SMO: variants seen among roughly 807,000 people sequenced by gnomAD.
SMO encodes protein smoothened.
SMO carries 40 observed loss-of-function variants against 81.6 expected under a neutral mutation model. The ratio of observed to expected loss-of-function variants is 0.49; its 90% CI spans 0.38 to 0.64. The LOEUF (loss-of-function observed/expected upper bound fraction) is 0.64, where lower values mean the gene tolerates loss of function less well. SMO is among the 30% of genes least tolerant of loss of function. SMO has a pLI of 0.00. For missense variants in SMO, 916 were observed against 1,061.1 expected (o/e 0.86, Z 1.90); for synonymous variants, 434 against 432.1 (o/e 1.00, Z -0.05).
Position 129,206,397 on chromosome 7 carries a change from C to T in SMO, c.1140+28C>T, listed in dbSNP as rs2150650475. On this transcript the variant is annotated intron_variant, in intron 5 of 11. Coordinates refer to ENST00000249373, the MANE Select transcript of SMO (RefSeq NM_005631.5). This position sits in a 1 kb window ranked among gnomAD's most constrained non-coding sequence, Gnocchi z 4.4. ...ATAGTGACTGGTAGGAACGGGAGAC[C>T]TGGATGGGGTGAGTTTGAGGGAGGG... The T allele has an allele frequency of 6.2e-7, 1 of 1,614,042 alleles. No homozygotes were observed. Among genetic ancestry groups the T allele is most frequent in the Non-Finnish European group, 8.5e-7 (1 of 1,179,934 alleles).
intron 1 of SMO, among the ~76,000 whole-genome samples, chr7:129,201,671 G>GT (rs1329913801): frequency 1.3e-5 from 2 of 151,798 alleles, no homozygotes; most frequent in South Asian, 4.2e-4. Context: ...CTGTTTTTGG[G>GT]TTTTTTGTTT....
chr7:129,203,173 A>T (rs1793697694), intron 1 of SMO, among the ~76,000 whole-genome samples: 1 of 152,208 alleles, frequency 6.6e-6, no homozygotes, highest in Non-Finnish European at 1.5e-5. Flanking sequence ...ACTGGCATTG[A>T]GTTGGCAGAG....
chr7:129,189,512 C>G lies in SMO; in HGVS notation c.331+30C>G. On this transcript the variant is annotated intron_variant, in intron 1 of 11. Coordinates refer to ENST00000249373, the MANE Select transcript of SMO (RefSeq NM_005631.5). The surrounding 1 kb of genome is among the most constrained non-coding windows in gnomAD (Gnocchi z 4.7). The stretch of plus-strand genomic sequence containing the variant: ...GTGCGGCGGAGCCGGGTCTGGGGGG[C>G]GGGAGGTGCCGCGGTAAGATGGGGG... The G allele has an allele frequency of 6.5e-7, 1 of 1,533,072 alleles. No individual in the cohort carries two copies. The highest frequency in any genetic ancestry group is 1.4e-5 in the African/African-American group (1 of 73,012). 95.0% of individuals were successfully genotyped at this position (1,533,072 alleles called of 1,614,324 possible).
chr7:129,191,336 C>A (rs899437429), intron 1 of SMO, among the ~76,000 whole-genome samples: 37 of 152,222 alleles, frequency 2.4e-4, no homozygotes, highest in African/African-American at 7.7e-4. Context: ...CAATTAGTAC[C>A]ATCTGCAGGT....
In SMO at chr7:129,189,278, A is replaced by G. The variant is rs1185022695; in HGVS notation, c.127A>G (p.Ser43Gly). The change falls in exon 1 of 12, where the codon AGC becomes GGC. Residue 43 changes from serine (S) to glycine (G), a missense_variant. Ser to Gly is a moderately conservative substitution (Grantham distance 56, BLOSUM62 0). Coordinates refer to ENST00000249373, the MANE Select transcript of SMO (RefSeq NM_005631.5). This position sits in a 1 kb window ranked among gnomAD's most constrained non-coding sequence, Gnocchi z 4.7. ...GAACGCGACCGGGCCTGGGCCTCGG[A>G]GCGCGGGCGGGAGCGCGAGGAGGAG... The part of the protein sequence containing the change: ...SGNATGPGPR[S>G]AGGSARRSAA... 4 of 1,394,472 alleles carry G rather than the reference A, an allele frequency of 2.9e-6. No individual in the cohort carries two copies. The East Asian group carries it at 9.0e-5, about 31-fold the overall frequency. The allele number at this position is 1,394,472 out of a possible 1,614,324, so 86.4% of individuals were successfully genotyped here. A position where few individuals can be genotyped will look rare whatever the true frequency, so the allele number is the denominator to read the frequency against.
At chr7:129,192,701 G>A (rs1442393987) in intron 1 of SMO, among the ~76,000 whole-genome samples, 3 of 152,140 alleles carry the variant, frequency 2.0e-5, no homozygotes, top group Non-Finnish European at 4.4e-5. Context: ...AGGAGGCCTC[G>A]GGTTTCAGGC....
Position 129,210,078 on chromosome 7 carries a change from C to T in SMO, c.1467-285C>T, listed in dbSNP as rs543363525. On this transcript the variant is annotated intron_variant, in intron 8 of 11. Transcript: ENST00000249373. The surrounding 1 kb of genome is among the most constrained non-coding windows in gnomAD (Gnocchi z 4.7). ...GCTATTAAAAGCTCCCCAGTTGATT[C>T]TAATGAGCACCCAGGGTTGAGATCA... The T allele has an allele frequency of 3.4e-6, 1 of 294,338 alleles. No individual in the cohort carries two copies. The highest frequency in any genetic ancestry group is 5.9e-5 in the South Asian group (1 of 16,916). 18.2% of individuals were successfully genotyped at this position (294,338 alleles called of 1,614,324 possible). A position where few individuals can be genotyped will look rare whatever the true frequency, so the allele number is the denominator to read the frequency against.
chr7:129,213,304 G>T lies in SMO; in HGVS notation c.*853G>T. On this transcript the variant is annotated 3_prime_UTR_variant, in exon 12 of 12. Coordinates refer to ENST00000249373, the MANE Select transcript of SMO (RefSeq NM_005631.5). The stretch of plus-strand genomic sequence containing the variant: ...ATCATCTCTTCCTCACACCCATTTA[G>T]TGGGGGATGGGTCCTCTAGACTTGA... 1 of 233,146 alleles carries T rather than the reference G, an allele frequency of 4.3e-6. No homozygotes were observed. The highest frequency in any genetic ancestry group is 8.5e-6 in the Non-Finnish European group (1 of 117,974). 14.4% of individuals were successfully genotyped at this position (233,146 alleles called of 1,614,324 possible). A position where few individuals can be genotyped will look rare whatever the true frequency, so the allele number is the denominator to read the frequency against.
chr7:129,211,486 G>T lies in SMO; in HGVS notation c.1802-150G>T. ...AGGCCCTTCTCTTCAGATTCTGAAG[G>T]GGTAGAGATCACCGTGGTTACAGGG... On this transcript the variant is annotated intron_variant, in intron 10 of 11. Transcript: ENST00000249373. This position sits in a 1 kb window ranked among gnomAD's most constrained non-coding sequence, Gnocchi z 4.6. 2.3e-6 allele frequency: 2 copies of T among 859,492 alleles called. No individual in the cohort carries two copies. The highest frequency in any genetic ancestry group is 2.5e-5 in the East Asian group (1 of 40,032). 53.2% of individuals were successfully genotyped at this position (859,492 alleles called of 1,614,324 possible).
chr7:129,189,091 CG>C lies in SMO; in HGVS notation c.-55del, dbSNP rs1241307745. On this transcript the variant is annotated 5_prime_UTR_variant, in exon 1 of 12. Transcript: ENST00000249373. The surrounding 1 kb of genome is among the most constrained non-coding windows in gnomAD (Gnocchi z 4.7). ...CGGCCGCCGAGGTCGTGCGTGTGGCCGGGGGGCTCCGAGGAGCAGGCGGGGG... is the reference window on the plus strand; with the variant it reads ...CGGCCGCCGAGGTCGTGCGTGTGGCCGGGGGCTCCGAGGAGCAGGCGGGGG... 8.3e-6 allele frequency: 10 copies of C among 1,198,360 alleles called. No individual in the cohort carries two copies. Among genetic ancestry groups the C allele is most frequent in the East Asian group, 3.3e-5 (1 of 30,086 alleles). The allele number at this position is 1,198,360 out of a possible 1,614,324, so 74.2% of individuals were successfully genotyped here.
rs1793893343 is a variant in SMO at position 129,212,472 on chromosome 7, GA to G, written c.*22del. 3 of 1,600,496 alleles carry G rather than the reference GA, an allele frequency of 1.9e-6. No individual in the cohort carries two copies. The South Asian group carries it at 3.3e-5, about 18-fold the overall frequency. On this transcript the variant is annotated 3_prime_UTR_variant, in exon 12 of 12. Transcript: ENST00000249373. This position sits in a 1 kb window ranked among gnomAD's most constrained non-coding sequence, Gnocchi z 5.0. Reference sequence around the variant, plus strand: ...TCTGAGCCTGCAGAGCAGGACCTGGGACAGGAAAGAGAGGAACCAATACCTT... The same window carrying G: ...TCTGAGCCTGCAGAGCAGGACCTGGGCAGGAAAGAGAGGAACCAATACCTT...
In SMO at chr7:129,206,998, C is replaced by A. The variant is rs1793782913; in HGVS notation, c.1264+411C>A. Among the ~76,000 whole-genome samples the A allele has an allele frequency of 6.6e-6, 1 of 152,192 alleles. No individual in the cohort carries two copies. The highest frequency in any genetic ancestry group is 2.1e-4 in the South Asian group (1 of 4,836). ...TAGCTAAAATTACAGGCATGCACCA[C>A]CACGTCTGGCTAATTTTTGTATTTT... is the stretch of plus-strand genomic sequence containing the variant. On this transcript the variant is annotated intron_variant, in intron 6 of 11. Coordinates refer to ENST00000249373, the MANE Select transcript of SMO (RefSeq NM_005631.5). This position sits in a 1 kb window ranked among gnomAD's most constrained non-coding sequence, Gnocchi z 4.4.
intron 1 of SMO, among the ~76,000 whole-genome samples, chr7:129,194,307 G>A (rs750357319): frequency 1.1e-4 from 17 of 152,042 alleles, no homozygotes; most frequent in East Asian, 3.9e-4. Context: ...CTCATTGTGC[G>A]CATGGTGCTT....
Position 129,211,915 on chromosome 7 carries a change from A to T in SMO, c.1937-109A>T. On this transcript the variant is annotated intron_variant, in intron 11 of 11. Transcript: ENST00000249373. The surrounding 1 kb of genome is among the most constrained non-coding windows in gnomAD (Gnocchi z 4.6). ...TGAAGAGTGGGGCTGAGGCTCTAAG[A>T]GTCTAGAGACCTGGGCCCCAGAACT... 2.1e-6 allele frequency: 3 copies of T among 1,412,258 alleles called. No homozygotes were observed. The highest frequency in any genetic ancestry group is 2.9e-6 in the Non-Finnish European group (3 of 1,037,944). 87.5% of individuals were successfully genotyped at this position (1,412,258 alleles called of 1,614,324 possible). A position where few individuals can be genotyped will look rare whatever the true frequency, so the allele number is the denominator to read the frequency against.
Position 129,208,612 on chromosome 7 carries a change from A to G in SMO, c.1265-147A>G, listed in dbSNP as rs1793812519. ...GCCCTGGTCTTCTCACCATTTCTCC[A>G]GTGTCTCTAGCTCCCCAGGTTTTCA... On this transcript the variant is annotated intron_variant, in intron 6 of 11. Transcript: ENST00000249373. This position sits in a 1 kb window ranked among gnomAD's most constrained non-coding sequence, Gnocchi z 5.2. 3 of 599,088 alleles carry G rather than the reference A, an allele frequency of 5.0e-6. No homozygotes were observed. The highest frequency in any genetic ancestry group is 5.7e-5 in the East Asian group (2 of 34,934). 37.1% of individuals were successfully genotyped at this position (599,088 alleles called of 1,614,324 possible).
rs2150651069 is a variant in SMO, at chr7:129,206,676, C to A, written c.1264+89C>A. On this transcript the variant is annotated intron_variant, in intron 6 of 11. Coordinates refer to ENST00000249373, the MANE Select transcript of SMO (RefSeq NM_005631.5). This position sits in a 1 kb window ranked among gnomAD's most constrained non-coding sequence, Gnocchi z 4.4. ...CTGGGAGCTGCCAGCACGGCTGCCC[C>A]CATGCTGAAACCCCAGCTAGCTCCT... 6.9e-7 allele frequency: 1 copy of A among 1,452,140 alleles called. No homozygotes were observed. Among genetic ancestry groups the A allele is most frequent in the Non-Finnish European group, 9.4e-7 (1 of 1,061,306 alleles). 90.0% of individuals were successfully genotyped at this position (1,452,140 alleles called of 1,614,324 possible). A position where few individuals can be genotyped will look rare whatever the true frequency, so the allele number is the denominator to read the frequency against.
chr7:129,205,930 GT>G, intron 4 of SMO, 148 bp downstream of exon 4: 1 of 767,858 alleles, frequency 1.3e-6, no homozygotes, highest in Non-Finnish European at 2.1e-6. Flanking sequence ...GATCTCCAGT[GT>G]TAGGATCTTA....
chr7:129,190,056 C>T (rs2150639011), intron 1 of SMO, among the ~76,000 whole-genome samples: 1 of 152,302 alleles, frequency 6.6e-6, no homozygotes, highest in Non-Finnish European at 1.5e-5. Flanking sequence ...GCCTAGAGAA[C>T]TGTGATCTTG....
Position 129,210,141 on chromosome 7 carries a change from T to C in SMO, c.1467-222T>C. ...TTAGCCCTTTCTAAAGTTTTTGGAT[T>C]GATTGTCTGAGTCTACCCAGTAGAC... On this transcript the variant is annotated intron_variant, in intron 8 of 11. Transcript: ENST00000249373. The surrounding 1 kb of genome is among the most constrained non-coding windows in gnomAD (Gnocchi z 4.7). The C allele has an allele frequency of 2.0e-6, 1 of 495,460 alleles. No individual in the cohort carries two copies. Among genetic ancestry groups the C allele is most frequent in the South Asian group, 2.4e-5 (1 of 42,322 alleles). The allele number at this position is 495,460 out of a possible 1,614,324, so 30.7% of individuals were successfully genotyped here. A position where few individuals can be genotyped will look rare whatever the true frequency, so the allele number is the denominator to read the frequency against.
Sources: gnomAD v4.1 joint callset for allele counts (sites outside exome capture counted in the v4.1 genomes callset) on GRCh38, gnomAD v4.1.1 for gene constraint, Gnocchi (gnomAD v3.1) non-coding constraint, MANE v1.5 for transcripts, NCBI Gene and HGNC (gene_info 2026-07-23, HGNC 2026-07-21) for gene names.